Variants in ERBB4 observed in about 807,000 individuals in gnomAD.
ERBB4 encodes erb-b2 receptor tyrosine kinase 4, also known as receptor tyrosine-protein kinase erbB-4.
ERBB4 carries 42 observed loss-of-function variants against 158.0 expected under a neutral mutation model. The observed-to-expected ratio is 0.27, with a 90% CI of 0.21 to 0.34. The LOEUF (loss-of-function observed/expected upper bound fraction) is 0.34, where lower values mean the gene tolerates loss of function less well. Among genes scored for constraint, ERBB4 ranks in the 10% least tolerant of loss-of-function variants. The pLI is 1.00. For synonymous variants in ERBB4, 583 were observed against 558.7 expected (o/e 1.04, Z -0.61); for missense variants, 1,333 against 1,624.1 (o/e 0.82, Z 3.08).
intron 1 of ERBB4, among the ~76,000 whole-genome samples, chr2:212,279,050 ATC>A: frequency 6.6e-6 from 1 of 151,666 alleles, no homozygotes; most frequent in Non-Finnish European, 1.5e-5. Context: ...GAATAATTAA[ATC>A]TCTCTCTTTT....
At chr2:212,463,874 C>G (rs1329800942) in intron 1 of ERBB4, among the ~76,000 whole-genome samples, 1 of 152,102 alleles carries the variant, frequency 6.6e-6, no homozygotes, top group Non-Finnish European at 1.5e-5. Flanking sequence ...AGTTTAATCA[C>G]CTTGTCTAAA....
chr2:211,716,011 T>C (rs149722371), intron 7 of ERBB4, among the ~76,000 whole-genome samples: 12 of 152,180 alleles, frequency 7.9e-5, no homozygotes, highest in African/African-American at 2.7e-4. Flanking sequence ...AGAAAATGCA[T>C]GTTTGGAGTT....
rs1294926463 is a variant in ERBB4 at position 211,379,054 on chromosome 2, G to A, written c.*4561C>T. The A allele has an allele frequency of 4.3e-6, 1 of 231,160 alleles. No individual in the cohort carries two copies. Among genetic ancestry groups the A allele is most frequent in the Admixed American group, 5.7e-5 (1 of 17,674 alleles). 14.3% of individuals were successfully genotyped at this position (231,160 alleles called of 1,614,324 possible). A position where few individuals can be genotyped will look rare whatever the true frequency, so the allele number is the denominator to read the frequency against. On this transcript the variant is annotated 3_prime_UTR_variant, in exon 28 of 28. Transcript: ENST00000342788. ...AACAATCATCATTCTAATAACTAAA[G>A]TCCAAAAGAATGGCAATGCAATAGT...
chr2:212,131,142 A>G (rs1257720396), intron 1 of ERBB4, among the ~76,000 whole-genome samples: 1 of 152,142 alleles, frequency 6.6e-6, no homozygotes, highest in Non-Finnish European at 1.5e-5. Context: ...TCTATGTTCA[A>G]AATACATCCC....
At chr2:211,906,770 A>C (rs1345302386) in intron 3 of ERBB4, among the ~76,000 whole-genome samples, 6 of 151,346 alleles carry the variant, frequency 4.0e-5, no homozygotes, top group Non-Finnish European at 8.8e-5. Flanking sequence ...TGTCCTCATC[A>C]CTTAGCTCCC....
At chr2:211,678,580 T>C (rs75851124) in intron 13 of ERBB4, among the ~76,000 whole-genome samples, 1,674 of 152,334 alleles carry the variant, frequency 0.011, 40 homozygotes, top group African/African-American at 0.038. Context: ...TATTTTTCCT[T>C]AAAAGAATTC....
chr2:212,384,937 TCACA>T (rs1311201279), intron 1 of ERBB4, among the ~76,000 whole-genome samples: 36 of 117,346 alleles, frequency 3.1e-4, no homozygotes, highest in South Asian at 5.2e-4. Flanking sequence ...ACACACACAC[TCACA>T]CACACAAACA....
intron 25 of ERBB4, among the ~76,000 whole-genome samples, chr2:211,395,657 G>A (rs774322459): frequency 5.9e-5 from 9 of 151,828 alleles, no homozygotes; most frequent in South Asian, 2.1e-4. Context: ...GCTATAAGAC[G>A]TTTATTAGAC....
At chr2:212,079,077 C>T (rs1269658533) in intron 2 of ERBB4, among the ~76,000 whole-genome samples, 1 of 150,586 alleles carries the variant, frequency 6.6e-6, no homozygotes, top group South Asian at 2.1e-4. Context: ...TATTGATAAT[C>T]CATTGTATTC....
At chr2:212,492,824 G>A (rs150847588) in intron 1 of ERBB4, among the ~76,000 whole-genome samples, 2 of 151,430 alleles carry the variant, frequency 1.3e-5, no homozygotes, top group Non-Finnish European at 3.0e-5. Context: ...GAAGCTAAAA[G>A]TACTTTATAG....
intron 20 of ERBB4, among the ~76,000 whole-genome samples, chr2:211,508,484 C>T (rs35502691): frequency 0.38 from 57,845 of 151,848 alleles, 11,493 homozygotes; most frequent in African/African-American, 0.48. Flanking sequence ...CAACAGATGC[C>T]GGAGAGGATT....
intron 1 of ERBB4, among the ~76,000 whole-genome samples, chr2:212,489,331 C>T (rs1437086048): frequency 6.6e-6 from 1 of 151,916 alleles, no homozygotes; most frequent in Non-Finnish European, 1.5e-5. Context: ...GGTAACAAGG[C>T]TTGAGGCTCA....
chr2:212,191,055 G>A (rs2082173734), intron 1 of ERBB4, among the ~76,000 whole-genome samples: 1 of 150,650 alleles, frequency 6.6e-6, no homozygotes, highest in African/African-American at 2.4e-5. Context: ...TTTAGATAAA[G>A]ATAAACCACT....
intron 2 of ERBB4, among the ~76,000 whole-genome samples, chr2:212,056,834 G>A (rs190130093): frequency 1.3e-5 from 2 of 152,272 alleles, no homozygotes; most frequent in Non-Finnish European, 2.9e-5. Flanking sequence ...ATGCCAAACT[G>A]TAAAGACCAT....
chr2:212,167,311 T>G (rs1244522198), intron 1 of ERBB4, among the ~76,000 whole-genome samples: 3 of 152,060 alleles, frequency 2.0e-5, no homozygotes, highest in Non-Finnish European at 4.4e-5. Flanking sequence ...AAGAAGATAT[T>G]TACGTGGCCA....
chr2:211,559,845 T>C (rs1258915248), intron 20 of ERBB4, among the ~76,000 whole-genome samples: 2 of 152,232 alleles, frequency 1.3e-5, no homozygotes, highest in Non-Finnish European at 2.9e-5. Context: ...CTAAATAAGC[T>C]TACCATATAG....
chr2:211,776,266 T>C (rs577285396), intron 4 of ERBB4, among the ~76,000 whole-genome samples: 1 of 152,308 alleles, frequency 6.6e-6, no homozygotes, highest in Non-Finnish European at 1.5e-5. Context: ...ACATTCTTTA[T>C]GCCGAGTTCT....
intron 20 of ERBB4, among the ~76,000 whole-genome samples, chr2:211,475,825 CAATA>C (rs2064939630): frequency 6.6e-6 from 1 of 151,888 alleles, no homozygotes; most frequent in Non-Finnish European, 1.5e-5. Context: ...TTCAACCAAA[CAATA>C]AAAGTAATAA....
intron 19 of ERBB4, among the ~76,000 whole-genome samples, chr2:211,580,562 TA>T (rs1050213708): frequency 3.7e-4 from 56 of 151,720 alleles, no homozygotes; most frequent in Non-Finnish European, 4.1e-4. Flanking sequence ...GAATGTAAAC[TA>T]GTACAACCAC....
Sources: allele counts gnomAD v4.1 joint callset (sites outside exome capture counted in the v4.1 genomes callset), GRCh38; gene constraint gnomAD v4.1.1; transcripts MANE v1.5; gene names NCBI Gene and HGNC (gene_info 2026-07-23, HGNC 2026-07-21).